EPM2A: variants seen among roughly 807,000 people sequenced by gnomAD.
The protein encoded by EPM2A is EPM2A glucan phosphatase, laforin, also known as laforin.
EPM2A carries 21 observed loss-of-function variants against 26.5 expected under a neutral mutation model. That is an observed-to-expected ratio of 0.79 (90% CI 0.56 to 1.14). EPM2A has a LOEUF of 1.14. Ranked by LOEUF, EPM2A falls within the 50% of genes most tolerant of loss-of-function variation. The pLI is 0.00. For missense variants in EPM2A, 458 were observed against 440.8 expected, an observed-to-expected ratio of 1.04 and a Z score of -0.35; for synonymous variants, 217 against 177.6, an observed-to-expected ratio of 1.22 and a Z score of -1.76.
At chr6:145,445,815 C>T (rs1459551613) in intron 4 of EPM2A, among the ~76,000 whole-genome samples, 2 of 152,186 alleles carry the variant, frequency 1.3e-5, no homozygotes, top group East Asian at 3.9e-4. Context: ...TTCTTTGGTG[C>T]TCCTCTCATT....
chr6:145,401,512 A>G lies in EPM2A; in HGVS notation c.556-17415T>C, dbSNP rs541922254. Among the ~76,000 whole-genome samples the G allele has an allele frequency of 1.8e-3, 274 of 152,292 alleles. 1 individual carries two copies. The highest frequency in any genetic ancestry group is 2.6e-3 in the Non-Finnish European group (176 of 68,012). ...GTGTCAGACACAATGTTAATTAAGCATGATCCTATTGCATTCTACCCCAAA... is the reference window on the plus strand; with the variant it reads ...GTGTCAGACACAATGTTAATTAAGCGTGATCCTATTGCATTCTACCCCAAA... On this transcript the variant is annotated intron_variant, in intron 4 of 4. Transcript: ENST00000638717.
intron 2 of EPM2A, among the ~76,000 whole-genome samples, chr6:145,549,681 AG>A (rs1219325924): frequency 1.3e-5 from 2 of 152,158 alleles, no homozygotes; most frequent in South Asian, 4.1e-4. Flanking sequence ...AAAATTGCTA[AG>A]GGAAATTGCT....
chr6:145,523,951 G>C (rs1026666943), intron 2 of EPM2A, among the ~76,000 whole-genome samples: 1 of 152,114 alleles, frequency 6.6e-6, no homozygotes, highest in Non-Finnish European at 1.5e-5. Context: ...CCCACCTCTA[G>C]TGGAAGGGAG....
intron 1 of EPM2A, among the ~76,000 whole-genome samples, chr6:145,688,756 C>T (rs975562217): frequency 4.6e-5 from 7 of 152,024 alleles, no homozygotes; most frequent in Non-Finnish European, 1.0e-4. Flanking sequence ...GAAGGATAAA[C>T]TTACAAAAGA....
At chr6:145,444,280 A>T (rs189937580) in intron 4 of EPM2A, among the ~76,000 whole-genome samples, 116 of 152,278 alleles carry the variant, frequency 7.6e-4, no homozygotes, top group Non-Finnish European at 1.4e-3. Flanking sequence ...TTCCTTTAAT[A>T]CCTAGTTTAT....
chr6:145,681,159 T>C (rs1780499768), intron 2 of EPM2A, among the ~76,000 whole-genome samples: 1 of 151,638 alleles, frequency 6.6e-6, no homozygotes, highest in South Asian at 2.1e-4. Context: ...TGAGCATTTT[T>C]TCATGTGTTT....
intron 2 of EPM2A, among the ~76,000 whole-genome samples, chr6:145,573,862 G>A (rs1398842410): frequency 1.3e-5 from 2 of 152,124 alleles, no homozygotes; most frequent in Non-Finnish European, 2.9e-5. Context: ...CTAATTACCT[G>A]AGCTCCATAA....
chr6:145,581,089 C>T (rs1235347326), intron 2 of EPM2A, among the ~76,000 whole-genome samples: 1 of 152,042 alleles, frequency 6.6e-6, no homozygotes, highest in Non-Finnish European at 1.5e-5. Context: ...TAAGTAACCA[C>T]CAAGCTGCTG....
chr6:145,626,118 CA>C lies in EPM2A; in HGVS notation c.*1297del. ...ATATCACCTTGCACATAGAGGCTCT[CA>C]ATTAAAAAAACACTTCTCTTTCTTC... On this transcript the variant is annotated 3_prime_UTR_variant, in exon 4 of 4. Transcript: ENST00000367519. 1 of 1,029,718 alleles carries C rather than the reference CA, an allele frequency of 9.7e-7. No individual in the cohort carries two copies. Among genetic ancestry groups the C allele is most frequent in the Non-Finnish European group, 1.2e-6 (1 of 857,584 alleles). The allele number at this position is 1,029,718 out of a possible 1,614,324, so 63.8% of individuals were successfully genotyped here.
chr6:145,677,110 G>A (rs188999383), intron 2 of EPM2A, among the ~76,000 whole-genome samples: 19 of 152,260 alleles, frequency 1.2e-4, no homozygotes, highest in South Asian at 6.2e-4. Context: ...TCATCCGTGG[G>A]ATGCAAGCCT....
At chr6:145,595,485 T>TACTG (rs1337290541) in intron 2 of EPM2A, among the ~76,000 whole-genome samples, 2 of 112,330 alleles carry the variant, frequency 1.8e-5, no homozygotes, top group Non-Finnish European at 3.7e-5. Flanking sequence ...AAAAAATTTA[T>TACTG]ATTGATTTTA....
At chr6:145,709,753 G>T (rs1782435044) in intron 1 of EPM2A, among the ~76,000 whole-genome samples, 1 of 152,144 alleles carries the variant, frequency 6.6e-6, no homozygotes, top group Non-Finnish European at 1.5e-5. Flanking sequence ...ACACAAAGTA[G>T]TTCCTGTAGA....
At chr6:145,560,449 C>T (rs565509513) in intron 2 of EPM2A, among the ~76,000 whole-genome samples, 7 of 152,174 alleles carry the variant, frequency 4.6e-5, no homozygotes, top group East Asian at 1.9e-4. Context: ...GCTCTGCAAG[C>T]GAGGTAAACT....
At chr6:145,641,835 G>A (rs902027423) in intron 2 of EPM2A, among the ~76,000 whole-genome samples, 50 of 152,048 alleles carry the variant, frequency 3.3e-4, no homozygotes, top group African/African-American at 1.2e-3. Context: ...ACTGAAATAC[G>A]TGGGCCCCTT....
intron 1 of EPM2A, among the ~76,000 whole-genome samples, chr6:145,715,482 A>C (rs1775565828): frequency 6.6e-6 from 1 of 152,192 alleles, no homozygotes; most frequent in African/African-American, 2.4e-5. Flanking sequence ...ATGAAACAAC[A>C]TCGAATGAAA....
chr6:145,721,660 A>G (rs1775955835), intron 1 of EPM2A: 1 of 152,212 alleles, frequency 6.6e-6, no homozygotes. Flanking sequence ...TCTCAAACAC[A>G]TGAGCATTCA....
intron 4 of EPM2A, among the ~76,000 whole-genome samples, chr6:145,419,036 C>A (rs1468248859): frequency 1.3e-5 from 2 of 152,174 alleles, no homozygotes; most frequent in Non-Finnish European, 2.9e-5. Flanking sequence ...TTTCCAGTTC[C>A]ACTAAAGACA....
chr6:145,702,154 G>A (rs1781949041), intron 1 of EPM2A, among the ~76,000 whole-genome samples: 1 of 152,014 alleles, frequency 6.6e-6, no homozygotes, highest in African/African-American at 2.4e-5. Context: ...TCATTCTTCA[G>A]CGTCCTGCAA....
At chr6:145,397,225 G>A (rs1021548266) in intron 4 of EPM2A, among the ~76,000 whole-genome samples, 1 of 152,044 alleles carries the variant, frequency 6.6e-6, no homozygotes, top group African/African-American at 2.4e-5. Flanking sequence ...GAGGATAGGC[G>A]TTCACTACCA....
Sources: gnomAD v4.1 joint callset for allele counts (sites outside exome capture counted in the v4.1 genomes callset) on GRCh38, gnomAD v4.1.1 for gene constraint, MANE v1.5 for transcripts, NCBI Gene and HGNC (gene_info 2026-07-23, HGNC 2026-07-21) for gene names.